MAGI2: variants seen among roughly 807,000 people sequenced by gnomAD.
MAGI2 encodes the protein membrane associated guanylate kinase, WW and PDZ domain containing 2.
MAGI2 carries 35 observed loss-of-function variants against 133.3 expected under a neutral mutation model. The observed-to-expected ratio is 0.26, with a 90% CI of 0.20 to 0.35. The LOEUF (loss-of-function observed/expected upper bound fraction) is 0.35. MAGI2 is among the 10% of genes least tolerant of loss of function. MAGI2 has a pLI of 1.00. For missense variants in MAGI2, 1,636 were observed against 1,863.4 expected (o/e 0.88, Z 2.25); for synonymous variants, 729 against 710.6 (o/e 1.03, Z -0.41).
chr7:79,066,574 T>C (rs1027383925), intron 1 of MAGI2, among the ~76,000 whole-genome samples: 3 of 152,058 alleles, frequency 2.0e-5, no homozygotes, highest in African/African-American at 7.2e-5. Context: ...TTCACTCTGA[T>C]GGTAGTTTCT....
intron 2 of MAGI2, among the ~76,000 whole-genome samples, chr7:78,726,134 G>C (rs1311014404): frequency 6.6e-6 from 1 of 151,946 alleles, no homozygotes; most frequent in East Asian, 1.9e-4. Flanking sequence ...CTCCCTTATT[G>C]TTCAAAAATA....
intron 1 of MAGI2, among the ~76,000 whole-genome samples, chr7:79,298,398 G>T (rs1585476891): frequency 6.6e-6 from 1 of 152,000 alleles, no homozygotes; most frequent in African/African-American, 2.4e-5. Context: ...TTCCTAACTT[G>T]GGGAGCTAAG....
intron 1 of MAGI2, among the ~76,000 whole-genome samples, chr7:79,076,512 T>C (rs1043309901): frequency 1.3e-5 from 2 of 152,296 alleles, no homozygotes; most frequent in African/African-American, 2.4e-5. Flanking sequence ...TTATCAACAA[T>C]GACACACAGA....
chr7:78,277,844 T>A (rs1562736269), intron 9 of MAGI2, among the ~76,000 whole-genome samples: 1 of 152,116 alleles, frequency 6.6e-6, no homozygotes, highest in Admixed American at 6.6e-5. Context: ...TGGCTGTCTA[T>A]CTACTACATC....
At chr7:78,923,985 GCT>G (rs1799480802) in intron 2 of MAGI2, among the ~76,000 whole-genome samples, 1 of 151,974 alleles carries the variant, frequency 6.6e-6, no homozygotes, top group Non-Finnish European at 1.5e-5. Flanking sequence ...TCATGATTTG[GCT>G]CTCTGTTTGT....
chr7:79,449,484 G>T (rs1849088618), intron 1 of MAGI2, among the ~76,000 whole-genome samples: 1 of 151,972 alleles, frequency 6.6e-6, no homozygotes, highest in Non-Finnish European at 1.5e-5. Context: ...GGCCACAAAG[G>T]CCTGTGTAAC....
chr7:78,952,398 A>G (rs1162427969), intron 2 of MAGI2, among the ~76,000 whole-genome samples: 1 of 152,082 alleles, frequency 6.6e-6, no homozygotes, highest in Non-Finnish European at 1.5e-5. Context: ...AGATGGGTCT[A>G]TATTGCCCTC....
intron 20 of MAGI2, among the ~76,000 whole-genome samples, chr7:78,103,478 T>C (rs1418003133): frequency 6.6e-6 from 1 of 152,238 alleles, no homozygotes; most frequent in Non-Finnish European, 1.5e-5. Flanking sequence ...ATTAATGCCC[T>C]AGAACACATG....
At chr7:78,094,544 T>C (rs1477323048) in intron 20 of MAGI2, among the ~76,000 whole-genome samples, 1 of 152,208 alleles carries the variant, frequency 6.6e-6, no homozygotes, top group Admixed American at 6.5e-5. Flanking sequence ...AATACATGAA[T>C]GGGAACCCTA....
intron 2 of MAGI2, among the ~76,000 whole-genome samples, chr7:78,713,176 T>G (rs570107855): frequency 1.3e-4 from 20 of 152,318 alleles, no homozygotes; most frequent in African/African-American, 4.6e-4. Context: ...CATGACAATT[T>G]GGAACCTTGA....
chr7:79,088,019 G>C (rs1260830954), intron 1 of MAGI2, among the ~76,000 whole-genome samples: 2 of 151,946 alleles, frequency 1.3e-5, no homozygotes, highest in African/African-American at 4.8e-5. Flanking sequence ...GTTTTCTCCA[G>C]TTCTGTGAAG....
chr7:78,366,688 T>C (rs1562895072), intron 7 of MAGI2, among the ~76,000 whole-genome samples: 1 of 152,176 alleles, frequency 6.6e-6, no homozygotes, highest in Non-Finnish European at 1.5e-5. Flanking sequence ...GTATTTTAGT[T>C]ATGTTTATGA....
chr7:79,370,443 CA>C (rs200159159), intron 1 of MAGI2, among the ~76,000 whole-genome samples: 2 of 151,576 alleles, frequency 1.3e-5, no homozygotes, highest in South Asian at 2.1e-4. Flanking sequence ...ATGTAAGTAA[CA>C]AAAAAAATGC....
At chr7:78,838,748 G>T (rs1284818853) in intron 2 of MAGI2, among the ~76,000 whole-genome samples, 6 of 151,822 alleles carry the variant, frequency 4.0e-5, no homozygotes, top group African/African-American at 1.2e-4. Context: ...ATAACAGAAA[G>T]ACATACAGAG....
intron 1 of MAGI2, among the ~76,000 whole-genome samples, chr7:79,360,151 T>G (rs1842292261): frequency 6.6e-6 from 1 of 152,128 alleles, no homozygotes; most frequent in Non-Finnish European, 1.5e-5. Flanking sequence ...TTTTCAGCAA[T>G]CAAGAATCAC....
At chr7:78,666,287 T>C (rs1224237589) in intron 2 of MAGI2, among the ~76,000 whole-genome samples, 1 of 151,974 alleles carries the variant, frequency 6.6e-6, no homozygotes, top group African/African-American at 2.4e-5. Flanking sequence ...AAATAAAGAA[T>C]TCAAAAAGAC....
chr7:78,080,536 C>G lies in MAGI2; in HGVS notation c.3568-1451G>C, dbSNP rs191250425. Among the ~76,000 whole-genome samples the G allele has an allele frequency of 1.1e-3, 175 of 152,230 alleles. 1 individual carries two copies. The highest frequency in any genetic ancestry group is 1.9e-3 in the Non-Finnish European group (128 of 68,012). On this transcript the variant is annotated intron_variant, in intron 20 of 21. Coordinates refer to ENST00000354212, the MANE Select transcript of MAGI2 (RefSeq NM_012301.4). Reference sequence around the variant, plus strand: ...GACCAATTATCCCTCCCCCAGTAGCCCTCTCCCACAACAGAAACCTCATGG... The same window carrying G: ...GACCAATTATCCCTCCCCCAGTAGCGCTCTCCCACAACAGAAACCTCATGG...
At chr7:78,385,735 T>G (rs1795324448) in intron 6 of MAGI2, among the ~76,000 whole-genome samples, 1 of 152,206 alleles carries the variant, frequency 6.6e-6, no homozygotes, top group Admixed American at 6.5e-5. Flanking sequence ...AACGTTGACT[T>G]GAAAGAACAT....
intron 9 of MAGI2, among the ~76,000 whole-genome samples, chr7:78,337,340 A>G (rs1394928680): frequency 2.0e-5 from 3 of 152,306 alleles, no homozygotes; most frequent in Admixed American, 2.0e-4. Flanking sequence ...AGCTGTTGTC[A>G]AAAAGCAGCC....
Sources: allele counts gnomAD v4.1 joint callset (sites outside exome capture counted in the v4.1 genomes callset), GRCh38; gene constraint gnomAD v4.1.1; transcripts MANE v1.5; gene names NCBI Gene and HGNC (gene_info 2026-07-23, HGNC 2026-07-21).